Variants in PGGT1B observed in about 807,000 individuals in gnomAD.
PGGT1B encodes the protein geranylgeranyl transferase type-1 subunit beta.
Under a neutral mutation model 46.1 loss-of-function variants are expected in PGGT1B, and 30 were observed. The ratio of observed to expected loss-of-function variants is 0.65; its 90% CI spans 0.49 to 0.88. PGGT1B has a LOEUF of 0.88. Among genes scored for constraint, PGGT1B ranks in the 40% least tolerant of loss-of-function variants. The pLI is 0.00. For missense variants in PGGT1B, 376 were observed against 455.9 expected, an observed-to-expected ratio of 0.82 and a Z score of 1.60; for synonymous variants, 170 against 160.0, an observed-to-expected ratio of 1.06 and a Z score of -0.47.
chr5:115,238,796 T>C (rs1345633240), intron 3 of PGGT1B, among the ~76,000 whole-genome samples: 1 of 152,200 alleles, frequency 6.6e-6, no homozygotes, highest in Non-Finnish European at 1.5e-5. Flanking sequence ...ACAAGGTTAT[T>C]GTGACGATTA....
At chr5:115,238,287 T>A (rs1318426680) in intron 3 of PGGT1B, among the ~76,000 whole-genome samples, 2 of 144,514 alleles carry the variant, frequency 1.4e-5, no homozygotes, top group African/African-American at 5.2e-5. Context: ...ACTTATTTTT[T>A]TGGATTTTTT....
intron 1 of PGGT1B, among the ~76,000 whole-genome samples, chr5:115,256,313 G>A (rs1748310054): frequency 6.6e-6 from 1 of 152,148 alleles, no homozygotes; most frequent in South Asian, 2.1e-4. Flanking sequence ...CCTGCTTTAA[G>A]GTCATACTCT....
At chr5:115,237,325 A>G (rs1757214606) in intron 4 of PGGT1B, among the ~76,000 whole-genome samples, 2 of 152,132 alleles carry the variant, frequency 1.3e-5, no homozygotes, top group Admixed American at 1.3e-4. Flanking sequence ...CGCTTCTCAG[A>G]CTTAAAATTT....
rs1463466334 is a variant in PGGT1B, at chr5:115,237,878, G to T, written c.459C>A (p.Ala153=). 1 of 1,606,214 alleles carries T rather than the reference G, an allele frequency of 6.2e-7. No homozygotes were observed. Among genetic ancestry groups the T allele is most frequent in the Admixed American group, 1.7e-5 (1 of 58,438 alleles). The change falls in exon 4 of 9, where the codon GCC becomes GCA. Residue 153 remains alanine (A), a synonymous_variant. Transcript: ENST00000419445. Reference sequence around the variant, plus strand: ...CATACCTCCCATCTTCCAGCTGAAGGGCTCTCAAGCCCGCTAAGCAAGCTT... The same window carrying T: ...CATACCTCCCATCTTCCAGCTGAAGTGCTCTCAAGCCCGCTAAGCAAGCTT... The part of the protein sequence containing the change: ...NKEACLAGLR[A]LQLEDGSFCA...
At position 115,210,431 on chromosome 5, in the gene PGGT1B, T is replaced by C. The variant is rs1756189094; in HGVS notation, c.*1971A>G. ...CAATTCACACTGGGCTGCTATTTTC[T>C]GGTCAATTCAGTTGCTGTGGAATGT... is the stretch of plus-strand genomic sequence containing the variant. On this transcript the variant is annotated 3_prime_UTR_variant, in exon 9 of 9. Transcript: ENST00000419445. 1 of 152,174 alleles carries C rather than the reference T, an allele frequency of 6.6e-6. No homozygotes were observed. The highest frequency in any genetic ancestry group is 1.5e-5 in the Non-Finnish European group (1 of 68,008). The allele number at this position is 152,174 out of a possible 1,614,324, so 9.4% of individuals were successfully genotyped here.
At chr5:115,227,734 T>C (rs1430821852) in intron 6 of PGGT1B, among the ~76,000 whole-genome samples, 2 of 152,224 alleles carry the variant, frequency 1.3e-5, no homozygotes, top group Non-Finnish European at 2.9e-5. Context: ...ATATTTCTAT[T>C]ACAGCCTTTA....
At chr5:115,259,540 T>C (rs1410326266) in intron 1 of PGGT1B, among the ~76,000 whole-genome samples, 3 of 151,718 alleles carry the variant, frequency 2.0e-5, no homozygotes, top group Non-Finnish European at 2.9e-5. Context: ...ATACAAAAAA[T>C]TAGCTGAGCG....
chr5:115,244,244 T>C lies in PGGT1B; in HGVS notation c.260-2638A>G, dbSNP rs923737775. Among the ~76,000 whole-genome samples the C allele has an allele frequency of 2.0e-5, 3 of 151,998 alleles. No individual in the cohort carries two copies. The East Asian group carries it at 5.9e-4, about 30-fold the overall frequency. On this transcript the variant is annotated intron_variant, in intron 2 of 8. Transcript: ENST00000419445. ...ACTTTGGGAGGCCGAGACGGGCGGA[T>C]CACGAGGTCAGGAGATCAAGACCAT...
At chr5:115,250,765 AAAGTACAT>A (rs1340394698) in intron 2 of PGGT1B, among the ~76,000 whole-genome samples, 1 of 152,154 alleles carries the variant, frequency 6.6e-6, no homozygotes, top group African/African-American at 2.4e-5. Context: ...AGCTCAAGAA[AAAGTACAT>A]GACTAGCACT....
rs1561464496 is a variant in PGGT1B at position 115,206,245 on chromosome 5, A to G, written c.*6157T>C. ...TATATACAGAGATTAAAGGTCTGAA[A>G]GATGTATGCAACAGTGGTGTTTACC... On this transcript the variant is annotated 3_prime_UTR_variant, in exon 9 of 9. Coordinates refer to ENST00000419445, the MANE Select transcript of PGGT1B (RefSeq NM_005023.4). The G allele has an allele frequency of 6.6e-6, 1 of 151,988 alleles. No individual in the cohort carries two copies. The highest frequency in any genetic ancestry group is 1.5e-5 in the Non-Finnish European group (1 of 67,896). The allele number at this position is 151,988 out of a possible 1,614,324, so 9.4% of individuals were successfully genotyped here. A position where few individuals can be genotyped will look rare whatever the true frequency, so the allele number is the denominator to read the frequency against.
rs117190828 is a variant in PGGT1B, at chr5:115,252,159, T to C, written c.259+978A>G. Among the ~76,000 whole-genome samples the C allele has an allele frequency of 4.6e-4, 70 of 152,206 alleles. 2 individuals carry two copies. In the East Asian group the frequency reaches 0.013, roughly 28 times the overall value. ...TTGACCAAACTTATACATGCTTTCA[T>C]TGGGGCTAGCAGAAAAGTGATTAGA... is the stretch of plus-strand genomic sequence containing the variant. On this transcript the variant is annotated intron_variant, in intron 2 of 8. Transcript: ENST00000419445.
chr5:115,249,845 T>C (rs1748013587), intron 2 of PGGT1B, among the ~76,000 whole-genome samples: 1 of 152,236 alleles, frequency 6.6e-6, no homozygotes. Flanking sequence ...TATTCTTTAC[T>C]GGGCCATAGT....
intron 5 of PGGT1B, among the ~76,000 whole-genome samples, chr5:115,232,990 A>G (rs554683507): frequency 3.2e-5 from 2 of 63,224 alleles, no homozygotes; most frequent in East Asian, 9.3e-4. Flanking sequence ...CCCCAGCTAC[A>G]AAAAAAGCCA....
chr5:115,222,948 T>A (rs1756631434), intron 6 of PGGT1B, among the ~76,000 whole-genome samples: 1 of 151,980 alleles, frequency 6.6e-6, no homozygotes, highest in Non-Finnish European at 1.5e-5. Context: ...GTGGGGAACA[T>A]CACACACCGG....
chr5:115,248,011 C>A (rs1409671318), intron 2 of PGGT1B, among the ~76,000 whole-genome samples: 2 of 152,130 alleles, frequency 1.3e-5, no homozygotes, highest in East Asian at 3.8e-4. Context: ...TTGACTTAGC[C>A]ACATGAAACC....
At chr5:115,244,281 C>T (rs77935462) in intron 2 of PGGT1B, among the ~76,000 whole-genome samples, 2 of 151,108 alleles carry the variant, frequency 1.3e-5, no homozygotes, top group African/African-American at 2.4e-5. Context: ...CTGGCTAACA[C>T]AGTGAAACCC....
At chr5:115,256,990 G>A (rs984164712) in intron 1 of PGGT1B, among the ~76,000 whole-genome samples, 2 of 152,144 alleles carry the variant, frequency 1.3e-5, no homozygotes, top group African/African-American at 2.4e-5. Flanking sequence ...TCTGCAGCCT[G>A]AGAAGTGTAA....
rs976215957 is a variant in PGGT1B at position 115,207,408 on chromosome 5, T to C, written c.*4994A>G. The C allele has an allele frequency of 6.6e-6, 1 of 151,552 alleles. No individual in the cohort carries two copies. 9.4% of individuals were successfully genotyped at this position (151,552 alleles called of 1,614,324 possible). ...TTCAGTCCTACTGAGTTAAAGCCAG[T>C]TGAAAAATAATGTATACTATATGGT... On this transcript the variant is annotated 3_prime_UTR_variant, in exon 9 of 9. Transcript: ENST00000419445.
intron 2 of PGGT1B, among the ~76,000 whole-genome samples, chr5:115,250,648 G>A (rs1748053103): frequency 6.6e-6 from 1 of 152,088 alleles, no homozygotes; most frequent in Non-Finnish European, 1.5e-5. Flanking sequence ...TCCAAAAAAT[G>A]TTTAAACTTT....
Sources: gnomAD v4.1 joint callset for allele counts (sites outside exome capture counted in the v4.1 genomes callset) on GRCh38, gnomAD v4.1.1 for gene constraint, MANE v1.5 for transcripts, NCBI Gene and HGNC (gene_info 2026-07-23, HGNC 2026-07-21) for gene names.